The following PMF1 variants were observed in gnomAD, a reference collection of about 807,000 sequenced individuals.
PMF1 encodes the protein polyamine-modulated factor 1.
PMF1 carries 21 observed loss-of-function variants against 26.7 expected under a neutral mutation model. That is an observed-to-expected ratio of 0.79 (90% CI 0.56 to 1.13). The LOEUF is 1.13. PMF1 is among the 50% of genes most tolerant of loss of function. The probability of loss-of-function intolerance (pLI) is 0.00; values close to 1 mark genes in which losing one functional copy is unlikely to be tolerated. For missense variants in PMF1, 266 were observed against 254.9 expected (o/e 1.04, Z -0.30); for synonymous variants, 105 against 101.0 (o/e 1.04, Z -0.24).
rs1419405090 is a variant in PMF1, at chr1:156,239,712, A to G, written c.*111A>G. On this transcript the variant is annotated 3_prime_UTR_variant, in exon 5 of 5. Coordinates refer to ENST00000368277, the MANE Select transcript of PMF1 (RefSeq NM_007221.4). ...GAACGGCTGAAATGGTGCCCAGTCC[A>G]TCAGCAGTGATGGAATTTGCTGGAG... 4.8e-6 allele frequency: 4 copies of G among 835,014 alleles called. No individual in the cohort carries two copies. In the Admixed American group the frequency reaches 8.1e-5, roughly 17 times the overall value. 51.7% of individuals were successfully genotyped at this position (835,014 alleles called of 1,614,324 possible).
chr1:156,218,148 T>A (rs556806955), intron 1 of PMF1, among the ~76,000 whole-genome samples: 1 of 152,362 alleles, frequency 6.6e-6, no homozygotes, highest in South Asian at 2.1e-4. Context: ...ATGTACTTAG[T>A]CATTTTGGCT....
chr1:156,213,301 G>C lies in PMF1; in HGVS notation c.161+125G>C, dbSNP rs529345207. ...CGCGTTGGGGGCGGGGCAGTCGGAC[G>C]AGGCGACCCAGTCAAATCCTGAGCC... On this transcript the variant is annotated intron_variant, in intron 1 of 4. Coordinates refer to ENST00000368277, the MANE Select transcript of PMF1 (RefSeq NM_007221.4). 104 of 1,391,584 alleles carry C rather than the reference G, an allele frequency of 7.5e-5. No homozygotes were observed. In the East Asian group the frequency reaches 2.2e-3, roughly 29 times the overall value. 86.2% of individuals were successfully genotyped at this position (1,391,584 alleles called of 1,614,324 possible).
chr1:156,216,213 A>T (rs1344148558), intron 1 of PMF1, among the ~76,000 whole-genome samples: 1 of 151,976 alleles, frequency 6.6e-6, no homozygotes. Context: ...CAATGTAGCG[A>T]AACCCCATCT....
At chr1:156,214,058 C>T (rs1657550050) in intron 1 of PMF1, among the ~76,000 whole-genome samples, 1 of 152,112 alleles carries the variant, frequency 6.6e-6, no homozygotes, top group Admixed American at 6.6e-5. Context: ...ATTACAGGTG[C>T]ACACTACCAC....
At chr1:156,219,252 C>T (rs904054602) in intron 1 of PMF1, among the ~76,000 whole-genome samples, 1 of 152,146 alleles carries the variant, frequency 6.6e-6, no homozygotes, top group African/African-American at 2.4e-5. Context: ...AAAGGCTATG[C>T]CCACATCTAG....
chr1:156,235,417 C>T (rs1658950185), intron 3 of PMF1, among the ~76,000 whole-genome samples: 2 of 150,330 alleles, frequency 1.3e-5, no homozygotes, highest in South Asian at 4.2e-4. Flanking sequence ...AGCCACCGCG[C>T]TCAGCCATTG....
chr1:156,231,280 T>C (rs1658691249), intron 1 of PMF1, among the ~76,000 whole-genome samples: 1 of 141,432 alleles, frequency 7.1e-6, no homozygotes, highest in African/African-American at 2.6e-5. Flanking sequence ...CCTGTAGTCC[T>C]AGCTACTCAG....
intron 1 of PMF1, among the ~76,000 whole-genome samples, chr1:156,218,665 C>G (rs1030028225): frequency 4.6e-5 from 7 of 151,994 alleles, no homozygotes; most frequent in Admixed American, 4.6e-4. Context: ...ACCTGTAGTC[C>G]CAGCTACTCG....
chr1:156,228,990 C>G (rs1174199118), intron 1 of PMF1, among the ~76,000 whole-genome samples: 1 of 152,098 alleles, frequency 6.6e-6, no homozygotes, highest in Non-Finnish European at 1.5e-5. Context: ...CTCACTGCAA[C>G]CTCCGCCTCC....
chr1:156,227,587 C>G (rs906965580), intron 1 of PMF1, among the ~76,000 whole-genome samples: 1 of 150,892 alleles, frequency 6.6e-6, no homozygotes, highest in Non-Finnish European at 1.5e-5. Context: ...ATCTCCGCCT[C>G]CCGGGTTCAA....
intron 1 of PMF1, among the ~76,000 whole-genome samples, chr1:156,218,822 C>A (rs1657924447): frequency 6.6e-6 from 1 of 151,966 alleles, no homozygotes; most frequent in South Asian, 2.1e-4. Context: ...ATTGCCTAAT[C>A]CGTTTTTTTT....
At chr1:156,215,107 C>T (rs1657630611) in intron 1 of PMF1, among the ~76,000 whole-genome samples, 1 of 148,992 alleles carries the variant, frequency 6.7e-6, no homozygotes, top group South Asian at 2.1e-4. Flanking sequence ...TCGAACTGAG[C>T]TCAAGCGATC....
At chr1:156,226,203 A>G (rs1245395418) in intron 1 of PMF1, among the ~76,000 whole-genome samples, 1 of 152,162 alleles carries the variant, frequency 6.6e-6, no homozygotes, top group African/African-American at 2.4e-5. Context: ...ACAGGGTCTC[A>G]CTATGTTGCC....
intron 2 of PMF1, 132 bp from the exon 3 acceptor site, chr1:156,233,496 G>C: frequency 2.4e-6 from 2 of 835,518 alleles, no homozygotes; most frequent in Non-Finnish European, 3.8e-6. Flanking sequence ...AGAAAAGTTG[G>C]AATGTCAGGG....
intron 1 of PMF1, among the ~76,000 whole-genome samples, chr1:156,214,430 G>T (rs1187079333): frequency 6.6e-6 from 1 of 151,972 alleles, no homozygotes; most frequent in Non-Finnish European, 1.5e-5. Context: ...CCTTTCCTAC[G>T]CATAATTAAT....
chr1:156,227,428 C>T (rs561541273), intron 1 of PMF1, among the ~76,000 whole-genome samples: 83 of 151,648 alleles, frequency 5.5e-4, no homozygotes, highest in African/African-American at 1.9e-3. Flanking sequence ...TGCTTGAACC[C>T]AGGAGGCGGA....
chr1:156,236,150 G>T, intron 3 of PMF1, 138 bp from the exon 4 acceptor site: 2 of 1,131,942 alleles, frequency 1.8e-6, no homozygotes. Flanking sequence ...AGGTGAGAGG[G>T]ACCACAGGAG....
intron 1 of PMF1, among the ~76,000 whole-genome samples, chr1:156,216,604 C>G (rs1204124796): frequency 6.6e-6 from 1 of 151,780 alleles, no homozygotes; most frequent in Admixed American, 6.6e-5. Context: ...AGCGTCCCGA[C>G]TCCCGGTGCC....
At chr1:156,232,146 A>G (rs1658744350) in intron 1 of PMF1, among the ~76,000 whole-genome samples, 174 bp from the exon 2 acceptor site, 1 of 152,212 alleles carries the variant, frequency 6.6e-6, no homozygotes, top group African/African-American at 2.4e-5. Flanking sequence ...GATGGGGTTG[A>G]ACCATCCTCG....
Sources: gnomAD v4.1 joint callset for allele counts (sites outside exome capture counted in the v4.1 genomes callset) on GRCh38, gnomAD v4.1.1 for gene constraint, MANE v1.5 for transcripts, NCBI Gene and HGNC (gene_info 2026-07-23, HGNC 2026-07-21) for gene names.